The following PID1 variants were observed in gnomAD, a reference collection of about 807,000 sequenced individuals.
PID1 encodes the protein PTB-containing, cubilin and LRP1-interacting protein.
A neutral mutation model predicts 19.1 loss-of-function variants in PID1; 10 were observed. The observed-to-expected ratio is 0.52, with a 90% CI of 0.32 to 0.89. PID1 has a LOEUF of 0.89. Among genes scored for constraint, PID1 ranks in the 40% least tolerant of loss-of-function variants. The probability of loss-of-function intolerance (pLI) is 0.03; values close to 1 mark genes in which losing one functional copy is unlikely to be tolerated. For synonymous variants in PID1, 130 were observed against 116.0 expected, an observed-to-expected ratio of 1.12 and a Z score of -0.78; for missense variants, 248 against 285.3, an observed-to-expected ratio of 0.87 and a Z score of 0.94.
intron 2 of PID1, among the ~76,000 whole-genome samples, chr2:229,091,651 T>C (rs1266619285): frequency 6.6e-6 from 1 of 152,160 alleles, no homozygotes; most frequent in African/African-American, 2.4e-5. Flanking sequence ...CACCTTGATG[T>C]TGGACTTCCC....
At chr2:229,035,419 T>C (rs1039715532) in intron 2 of PID1, among the ~76,000 whole-genome samples, 1 of 152,084 alleles carries the variant, frequency 6.6e-6, no homozygotes, top group African/African-American at 2.4e-5. Flanking sequence ...ATTTTAAAGA[T>C]ATGTCTGTCT....
At position 229,044,993 on chromosome 2, in the gene PID1, G is replaced by T. The variant is rs1378619228; in HGVS notation, c.178-18885C>A. ...TTTTTAGATGGAGTCTCACTCTGTT[G>T]CCTAGGCTGGAGTGCAATGGTACAA... is the stretch of plus-strand genomic sequence containing the variant. On this transcript the variant is annotated intron_variant, in intron 2 of 2. Transcript: ENST00000392055. Among the ~76,000 whole-genome samples, 3 of 151,648 alleles carry T rather than the reference G, an allele frequency of 2.0e-5. No individual in the cohort carries two copies. The South Asian group carries it at 6.3e-4, about 32-fold the overall frequency.
At chr2:229,175,743 C>T (rs1415922310) in intron 1 of PID1, among the ~76,000 whole-genome samples, 2 of 152,208 alleles carry the variant, frequency 1.3e-5, no homozygotes, top group Admixed American at 6.5e-5. Flanking sequence ...CCAGCCCATG[C>T]CATGCTAATC....
At chr2:229,072,404 C>T (rs554365223) in intron 2 of PID1, among the ~76,000 whole-genome samples, 3 of 152,132 alleles carry the variant, frequency 2.0e-5, no homozygotes, top group Admixed American at 2.0e-4. Flanking sequence ...CTGTCCAACA[C>T]GGCAAAACCC....
chr2:229,031,401 A>G (rs1372482501), intron 2 of PID1, among the ~76,000 whole-genome samples: 1 of 151,644 alleles, frequency 6.6e-6, no homozygotes, highest in African/African-American at 2.4e-5. Context: ...TACGAAAAAT[A>G]CAAAAATTAG....
At chr2:229,169,782 C>T (rs1284927196) in intron 1 of PID1, among the ~76,000 whole-genome samples, 2 of 152,128 alleles carry the variant, frequency 1.3e-5, no homozygotes, top group South Asian at 2.1e-4. Flanking sequence ...GAAACATGAA[C>T]CCTGCAACTC....
At chr2:229,192,184 A>G (rs1321528930) in intron 1 of PID1, among the ~76,000 whole-genome samples, 1 of 152,220 alleles carries the variant, frequency 6.6e-6, no homozygotes, top group Non-Finnish European at 1.5e-5. Flanking sequence ...CTCTTTCAAT[A>G]CACAACACGG....
At position 229,261,673 on chromosome 2, in the gene PID1, T is replaced by C. The variant is rs376418539; in HGVS notation, c.30+9341A>G. Among the ~76,000 whole-genome samples the C allele has an allele frequency of 1.4e-4, 21 of 152,298 alleles. No homozygotes were observed. In the East Asian group the frequency reaches 4.1e-3, roughly 29 times the overall value. On this transcript the variant is annotated intron_variant, in intron 1 of 2. Coordinates refer to ENST00000392055, the MANE Select transcript of PID1 (RefSeq NM_001100818.2). The stretch of plus-strand genomic sequence containing the variant: ...ACTGTCCATTCCCCTCCTGCTCCCA[T>C]GGACACAGGGGATATTCCTTCTAGA...
intron 2 of PID1, among the ~76,000 whole-genome samples, chr2:229,132,841 A>AT (rs996404117): frequency 6.6e-6 from 1 of 152,138 alleles, no homozygotes; most frequent in African/African-American, 2.4e-5. Context: ...CACTGTAGAG[A>AT]TTTTTTTTAA....
At chr2:229,211,658 A>G (rs556735522) in intron 1 of PID1, among the ~76,000 whole-genome samples, 2 of 152,354 alleles carry the variant, frequency 1.3e-5, no homozygotes, top group South Asian at 4.1e-4. Context: ...TCTCTTCTAC[A>G]GAATGTGATG....
chr2:229,035,066 C>T (rs561119798), intron 2 of PID1, among the ~76,000 whole-genome samples: 3 of 152,312 alleles, frequency 2.0e-5, no homozygotes, highest in South Asian at 4.2e-4. Context: ...TCATTAGATA[C>T]AGTGATGGCT....
chr2:229,087,891 C>T (rs555021938), intron 2 of PID1, among the ~76,000 whole-genome samples: 6 of 152,170 alleles, frequency 3.9e-5, no homozygotes, highest in African/African-American at 7.2e-5. Context: ...TAGTCAATTA[C>T]GTATATGGTT....
At chr2:229,228,072 A>T (rs958797696) in intron 1 of PID1, 2 of 455,746 alleles carry the variant, frequency 4.4e-6, no homozygotes, top group Admixed American at 2.4e-5. Flanking sequence ...TCCTGCAACC[A>T]AAAGGCAAAT....
chr2:229,203,832 G>T (rs1312649692), intron 1 of PID1, among the ~76,000 whole-genome samples: 1 of 152,022 alleles, frequency 6.6e-6, no homozygotes, highest in African/African-American at 2.4e-5. Flanking sequence ...CTTGTGCATG[G>T]TAGATGTTCA....
intron 1 of PID1, among the ~76,000 whole-genome samples, chr2:229,164,304 GA>G (rs953003924): frequency 9.3e-4 from 134 of 143,422 alleles, no homozygotes; most frequent in East Asian, 4.8e-3. Context: ...ACCTACTCAT[GA>G]AAAAAAAAAA....
At chr2:229,090,965 G>A (rs1038700704) in intron 2 of PID1, among the ~76,000 whole-genome samples, 1 of 152,112 alleles carries the variant, frequency 6.6e-6, no homozygotes, top group Non-Finnish European at 1.5e-5. Context: ...TACCACGTTT[G>A]AAATCTCTGA....
At chr2:229,197,414 A>T (rs965844940) in intron 1 of PID1, among the ~76,000 whole-genome samples, 2 of 152,090 alleles carry the variant, frequency 1.3e-5, no homozygotes, top group Non-Finnish European at 2.9e-5. Flanking sequence ...CATTATCATC[A>T]TATTAATCTA....
chr2:229,215,146 T>G (rs1379831030), intron 1 of PID1, among the ~76,000 whole-genome samples: 1 of 152,246 alleles, frequency 6.6e-6, no homozygotes, highest in Non-Finnish European at 1.5e-5. Flanking sequence ...ACTTTTTAAC[T>G]GCTACTTGCC....
At chr2:229,249,602 A>G (rs189262910) in intron 1 of PID1, among the ~76,000 whole-genome samples, 4 of 152,320 alleles carry the variant, frequency 2.6e-5, no homozygotes, top group Admixed American at 2.6e-4. Context: ...AAGTCCACAC[A>G]TAATTCCAAT....
Sources: allele counts gnomAD v4.1 joint callset (sites outside exome capture counted in the v4.1 genomes callset), GRCh38; gene constraint gnomAD v4.1.1; transcripts MANE v1.5; gene names NCBI Gene and HGNC (gene_info 2026-07-23, HGNC 2026-07-21).